TMEM132D: variants seen among roughly 807,000 people sequenced by gnomAD.
The protein encoded by TMEM132D is transmembrane protein 132D.
In TMEM132D, 21 loss-of-function variants were observed where a neutral mutation model predicts 62.3. That is an observed-to-expected ratio of 0.34 (90% confidence interval 0.24 to 0.49). TMEM132D has a LOEUF of 0.49. Among genes scored for constraint, TMEM132D ranks in the 20% least tolerant of loss-of-function variants. TMEM132D has a pLI of 0.99. For missense variants in TMEM132D, 1,346 were observed against 1,402.8 expected (o/e 0.96, Z 0.65); for synonymous variants, 621 against 575.6 (o/e 1.08, Z -1.13).
At chr12:129,710,588 GC>G (rs67408383) in intron 1 of TMEM132D, among the ~76,000 whole-genome samples, 3,868 of 152,220 alleles carry the variant, frequency 0.025, 136 homozygotes, top group East Asian at 0.084. Context: ...TGAGCACCGT[GC>G]CCCGCCGATT....
At chr12:129,173,179 G>C (rs1028761466) in intron 5 of TMEM132D, among the ~76,000 whole-genome samples, 1 of 152,200 alleles carries the variant, frequency 6.6e-6, no homozygotes, top group African/African-American at 2.4e-5. Context: ...GGTGCTGACA[G>C]ACTTGCCTAA....
chr12:129,900,700 C>A (rs1225395373), intron 1 of TMEM132D, among the ~76,000 whole-genome samples: 1 of 152,176 alleles, frequency 6.6e-6, no homozygotes, highest in African/African-American at 2.4e-5. Flanking sequence ...CCTGCCCCCT[C>A]CCATAAAGTT....
intron 1 of TMEM132D, among the ~76,000 whole-genome samples, chr12:129,760,467 GACTACAGGCCCCCGCCTCC>G (rs1170916504): frequency 1.3e-5 from 2 of 151,438 alleles, no homozygotes; most frequent in South Asian, 2.1e-4. Flanking sequence ...GAGTAGCTGG[GACTACAGGCCCCCGCCTCC>G]ACTACAGGCG....
chr12:129,208,665 C>T (rs564098618), intron 5 of TMEM132D: 4 of 152,278 alleles, frequency 2.6e-5, no homozygotes, highest in South Asian at 2.1e-4. Flanking sequence ...GGGAGTCTCC[C>T]GGAGCCTCGT....
intron 3 of TMEM132D, among the ~76,000 whole-genome samples, chr12:129,373,923 G>A (rs183447376): frequency 4.6e-5 from 7 of 152,218 alleles, no homozygotes; most frequent in African/African-American, 1.4e-4. Flanking sequence ...AAAGCTACGT[G>A]GTGCTTAGTG....
chr12:129,868,174 A>G (rs7484653), intron 1 of TMEM132D, among the ~76,000 whole-genome samples: 1 of 151,814 alleles, frequency 6.6e-6, no homozygotes, highest in Non-Finnish European at 1.5e-5. Flanking sequence ...TTTCCATGGT[A>G]CACACACGAG....
At chr12:129,312,396 T>C (rs1480931345) in intron 4 of TMEM132D, among the ~76,000 whole-genome samples, 1 of 152,174 alleles carries the variant, frequency 6.6e-6, no homozygotes, top group Non-Finnish European at 1.5e-5. Context: ...ATATCTGGAA[T>C]ATTGGACAGG....
intron 5 of TMEM132D, among the ~76,000 whole-genome samples, chr12:129,130,947 C>T (rs917427546): frequency 1.3e-5 from 2 of 152,192 alleles, no homozygotes; most frequent in Admixed American, 6.5e-5. Context: ...TCTCAGGTCC[C>T]ATTCCCAGAG....
intron 1 of TMEM132D, among the ~76,000 whole-genome samples, chr12:129,785,678 G>C (rs1871231684): frequency 6.6e-6 from 1 of 152,142 alleles, no homozygotes; most frequent in African/African-American, 2.4e-5. Context: ...CAACCCTTCT[G>C]GTGCCTAGAT....
intron 1 of TMEM132D, among the ~76,000 whole-genome samples, chr12:129,701,520 C>A (rs1400666231): frequency 6.6e-6 from 1 of 152,228 alleles, no homozygotes; most frequent in Non-Finnish European, 1.5e-5. Context: ...CGCTTCCATG[C>A]CAGCCACATC....
chr12:129,482,249 C>T (rs561786671), intron 3 of TMEM132D, among the ~76,000 whole-genome samples: 1 of 152,324 alleles, frequency 6.6e-6, no homozygotes, highest in African/African-American at 2.4e-5. Context: ...TGGCAAAACA[C>T]TGGACGTAAC....
chr12:129,476,531 A>G (rs1874261558), intron 3 of TMEM132D, among the ~76,000 whole-genome samples: 1 of 152,150 alleles, frequency 6.6e-6, no homozygotes, highest in Non-Finnish European at 1.5e-5. Flanking sequence ...GGTCACTCAG[A>G]CACTGATCTT....
At chr12:129,200,144 G>A (rs772905800) in intron 5 of TMEM132D, among the ~76,000 whole-genome samples, 2 of 152,014 alleles carry the variant, frequency 1.3e-5, no homozygotes, top group African/African-American at 4.8e-5. Flanking sequence ...ATGGAGGGGG[G>A]ACCAAGAGGG....
At chr12:129,792,928 AG>A (rs1177911222) in intron 1 of TMEM132D, among the ~76,000 whole-genome samples, 2 of 152,350 alleles carry the variant, frequency 1.3e-5, no homozygotes, top group Non-Finnish European at 1.5e-5. Flanking sequence ...TACTACCAGG[AG>A]GGAAACTGGT....
At chr12:129,606,862 C>A (rs1878639042) in intron 2 of TMEM132D, among the ~76,000 whole-genome samples, 1 of 152,166 alleles carries the variant, frequency 6.6e-6, no homozygotes, top group African/African-American at 2.4e-5. Context: ...TGATGTAACT[C>A]TCAAAATGCT....
At chr12:129,083,550 C>G (rs1290391035) in intron 6 of TMEM132D, among the ~76,000 whole-genome samples, 2 of 152,146 alleles carry the variant, frequency 1.3e-5, no homozygotes, top group South Asian at 2.1e-4. Context: ...AAGCCAGCTC[C>G]CAACTGTCCC....
intron 4 of TMEM132D, among the ~76,000 whole-genome samples, chr12:129,218,844 G>T (rs999894279): frequency 6.6e-6 from 1 of 152,176 alleles, no homozygotes; most frequent in Admixed American, 6.5e-5. Context: ...GGAGTGAGGC[G>T]TAAGCAGCAG....
At chr12:129,741,776 C>G (rs1426176419) in intron 1 of TMEM132D, among the ~76,000 whole-genome samples, 1 of 152,160 alleles carries the variant, frequency 6.6e-6, no homozygotes, top group Non-Finnish European at 1.5e-5. Context: ...TGATGCTAGT[C>G]TTGGGGGCTT....
At chr12:129,186,365 GTC>G (rs781248648) in intron 5 of TMEM132D, among the ~76,000 whole-genome samples, 2 of 152,168 alleles carry the variant, frequency 1.3e-5, no homozygotes, top group Non-Finnish European at 2.9e-5. Flanking sequence ...GACTCTGACT[GTC>G]ATCCCTCCCA....
Sources: gnomAD v4.1 joint callset for allele counts (sites outside exome capture counted in the v4.1 genomes callset) on GRCh38, gnomAD v4.1.1 for gene constraint, MANE v1.5 for transcripts, NCBI Gene and HGNC (gene_info 2026-07-23, HGNC 2026-07-21) for gene names.